KIF16B: variants seen among roughly 807,000 people sequenced by gnomAD.
The protein encoded by KIF16B is kinesin-like protein KIF16B.
A neutral mutation model predicts 156.3 loss-of-function variants in KIF16B; 98 were observed. The ratio of observed to expected loss-of-function variants is 0.63; its 90% CI spans 0.53 to 0.74. The LOEUF (loss-of-function observed/expected upper bound fraction) is 0.74, where lower values mean the gene tolerates loss of function less well. KIF16B is among the 30% of genes least tolerant of loss of function. The probability of loss-of-function intolerance (pLI) is 0.00; values close to 1 mark genes in which losing one functional copy is unlikely to be tolerated. For missense variants in KIF16B, 1,421 were observed against 1,606.5 expected, an observed-to-expected ratio of 0.88 and a Z score of 1.97; for synonymous variants, 564 against 583.7, an observed-to-expected ratio of 0.97 and a Z score of 0.49.
chr20:16,375,179 G>A (rs1437389063), intron 19 of KIF16B, among the ~76,000 whole-genome samples: 1 of 152,232 alleles, frequency 6.6e-6, no homozygotes, highest in African/African-American at 2.4e-5. Flanking sequence ...TCAGGCCAGA[G>A]GGCCAACCTT....
intron 19 of KIF16B, 24 bp downstream of exon 19, chr20:16,378,781 C>A (rs776165898): frequency 2.6e-6 from 4 of 1,566,144 alleles, no homozygotes. Flanking sequence ...CACTGTATGC[C>A]ACACCCTTCC....
At chr20:16,431,156 G>C (rs1181669573) in intron 12 of KIF16B, among the ~76,000 whole-genome samples, 2 of 151,968 alleles carry the variant, frequency 1.3e-5, no homozygotes, top group African/African-American at 4.8e-5. Flanking sequence ...CCCGCAGCAC[G>C]TGCCTCTGGC....
chr20:16,388,588 CTGTGT>C (rs1316396964), intron 17 of KIF16B, among the ~76,000 whole-genome samples: 1 of 151,810 alleles, frequency 6.6e-6, no homozygotes, highest in Non-Finnish European at 1.5e-5. Flanking sequence ...AGTATACTTA[CTGTGT>C]TAAGTCCAAC....
rs1380617927 is a variant in KIF16B at position 16,497,798 on chromosome 20, C to T, written c.1177-120G>A. ...AACTATTAAAGGTAAAAAGCAATGT[C>T]CTACACCCTGCCAAAAAGTGTTGAA... On this transcript the variant is annotated intron_variant, in intron 10 of 25. Coordinates refer to ENST00000354981, the MANE Select transcript of KIF16B (RefSeq NM_024704.5). The T allele has an allele frequency of 8.5e-6, 6 of 704,166 alleles. No homozygotes were observed. In the Admixed American group the frequency reaches 1.1e-4, roughly 13 times the overall value. 43.6% of individuals were successfully genotyped at this position (704,166 alleles called of 1,614,324 possible). A position where few individuals can be genotyped will look rare whatever the true frequency, so the allele number is the denominator to read the frequency against.
intron 17 of KIF16B, among the ~76,000 whole-genome samples, chr20:16,385,701 G>C (rs996786518): frequency 3.9e-5 from 6 of 152,138 alleles, no homozygotes; most frequent in African/African-American, 1.2e-4. Context: ...GGGAAGGAGG[G>C]GCCTGGGGAG....
intron 12 of KIF16B, among the ~76,000 whole-genome samples, chr20:16,442,360 A>G (rs1255658408): frequency 7.6e-6 from 1 of 131,194 alleles, no homozygotes; most frequent in African/African-American, 3.3e-5. Context: ...ATATATATAT[A>G]TATATATAAA....
chr20:16,285,507 A>G (rs1161298756), intron 25 of KIF16B, among the ~76,000 whole-genome samples: 1 of 152,188 alleles, frequency 6.6e-6, no homozygotes, highest in East Asian at 1.9e-4. Flanking sequence ...TTTAATGCCT[A>G]CATAAACAAG....
At position 16,432,091 on chromosome 20, in the gene KIF16B, C is replaced by A. The variant is rs779491448; in HGVS notation, c.1303-2109G>T. Among the ~76,000 whole-genome samples the A allele has an allele frequency of 2.2e-4, 33 of 151,902 alleles. 1 individual carries two copies. The highest frequency in any genetic ancestry group is 4.2e-4 in the South Asian group (2 of 4,810). On this transcript the variant is annotated intron_variant, in intron 12 of 25. Coordinates refer to ENST00000354981, the MANE Select transcript of KIF16B (RefSeq NM_024704.5). ...AGAGGGAAGGTCAGAGACAACCCTC[C>A]GGAAGAGAATGGTAGGCCTTATCTT...
In KIF16B at chr20:16,573,309, C is replaced by A. The variant is rs944329055; in HGVS notation, c.-34G>T. The A allele has an allele frequency of 2.5e-6, 4 of 1,608,558 alleles. No individual in the cohort carries two copies. Among genetic ancestry groups the A allele is most frequent in the Non-Finnish European group, 3.4e-6 (4 of 1,178,358 alleles). On this transcript the variant is annotated 5_prime_UTR_variant, in exon 1 of 26. Transcript: ENST00000354981. The stretch of plus-strand genomic sequence containing the variant: ...CCGAACCAGCCCGCGCGGGGTCCCA[C>A]TAGCCCAGAACTCCGCGGTCGCCGG...
intron 1 of KIF16B, among the ~76,000 whole-genome samples, chr20:16,562,740 G>A (rs572200219): frequency 3.2e-4 from 48 of 152,304 alleles, no homozygotes; most frequent in African/African-American, 1.1e-3. Context: ...ATACACACAC[G>A]TATACATTCA....
intron 15 of KIF16B, among the ~76,000 whole-genome samples, chr20:16,423,417 A>C (rs1314460919): frequency 6.6e-6 from 1 of 152,142 alleles, no homozygotes; most frequent in Non-Finnish European, 1.5e-5. Flanking sequence ...CAATAACTAA[A>C]TCAAATATGA....
At chr20:16,427,320 T>C (rs2066383246) in intron 14 of KIF16B, 79 bp from the exon 15 acceptor site, 3 of 1,300,048 alleles carry the variant, frequency 2.3e-6, no homozygotes, top group Non-Finnish European at 3.2e-6. Context: ...TCTATAAATT[T>C]ATTTATTTTC....
At chr20:16,370,666 T>G in intron 21 of KIF16B, 30 bp from the exon 22 acceptor site, 1 of 1,554,632 alleles carries the variant, frequency 6.4e-7, no homozygotes, top group Middle Eastern at 1.8e-4. Flanking sequence ...CCCTCTATAT[T>G]AAATTATAGC....
intron 25 of KIF16B, among the ~76,000 whole-genome samples, chr20:16,281,410 C>A (rs1474988167): frequency 6.6e-6 from 1 of 152,062 alleles, no homozygotes; most frequent in Non-Finnish European, 1.5e-5. Flanking sequence ...TGGATCAGGC[C>A]TGAATGGAGC....
intron 1 of KIF16B, among the ~76,000 whole-genome samples, chr20:16,546,816 G>T (rs561563825): frequency 6.6e-6 from 1 of 151,730 alleles, no homozygotes; most frequent in Non-Finnish European, 1.5e-5. Flanking sequence ...TCACTCTGTT[G>T]CCCAGGCTGG....
At chr20:16,409,872 G>A (rs941202083) in intron 15 of KIF16B, among the ~76,000 whole-genome samples, 1 of 147,604 alleles carries the variant, frequency 6.8e-6, no homozygotes, top group African/African-American at 2.5e-5. Context: ...AGATGCATTT[G>A]GCAAATGAAA....
At chr20:16,501,048 A>G (rs1448121018) in intron 10 of KIF16B, among the ~76,000 whole-genome samples, 1 of 152,182 alleles carries the variant, frequency 6.6e-6, no homozygotes, top group East Asian at 1.9e-4. Flanking sequence ...ATAATAAAAG[A>G]GAATAAAACC....
chr20:16,410,096 T>TATATATATATGTTGGTAC (rs2065902842), intron 15 of KIF16B, among the ~76,000 whole-genome samples: 3 of 91,484 alleles, frequency 3.3e-5, no homozygotes, highest in Admixed American at 1.1e-4. Flanking sequence ...TGTAGGTACA[T>TATATATATATGTTGGTAC]ATATATATAT....
chr20:16,353,093 C>T (rs2064371745), intron 23 of KIF16B, among the ~76,000 whole-genome samples: 1 of 152,142 alleles, frequency 6.6e-6, no homozygotes, highest in Admixed American at 6.5e-5. Flanking sequence ...TATGTATGTA[C>T]ATTGATGTTA....
Sources: gnomAD v4.1 joint callset for allele counts (sites outside exome capture counted in the v4.1 genomes callset) on GRCh38, gnomAD v4.1.1 for gene constraint, MANE v1.5 for transcripts, NCBI Gene and HGNC (gene_info 2026-07-23, HGNC 2026-07-21) for gene names.